ARL15: variants seen among roughly 807,000 people sequenced by gnomAD.
The protein encoded by ARL15 is ARF like GTPase 15.
In ARL15, 19 loss-of-function variants were observed where a neutral mutation model predicts 25.2. The ratio of observed to expected loss-of-function variants is 0.75; its 90% CI spans 0.53 to 1.10. The LOEUF (loss-of-function observed/expected upper bound fraction) is 1.10, where lower values mean the gene tolerates loss of function less well. Ranked by LOEUF, ARL15 falls within the 50% of genes least tolerant of loss-of-function variation. The pLI is 0.00. For missense variants in ARL15, 220 were observed against 246.0 expected (o/e 0.89, Z 0.71); for synonymous variants, 94 against 86.8 (o/e 1.08, Z -0.46).
intron 4 of ARL15, among the ~76,000 whole-genome samples, chr5:54,084,779 G>A (rs1751910706): frequency 6.6e-6 from 1 of 151,160 alleles, no homozygotes; most frequent in African/African-American, 2.5e-5. Context: ...CAAGGGTGTG[G>A]CACCATGTTC....
At chr5:54,307,995 A>C (rs1173045138) in intron 1 of ARL15, 2 of 152,252 alleles carry the variant, frequency 1.3e-5, no homozygotes, top group Admixed American at 6.5e-5. Context: ...ATAAAATAAG[A>C]TACCAGATGC....
chr5:53,911,761 A>C (rs1348215458), intron 4 of ARL15, among the ~76,000 whole-genome samples: 1 of 152,080 alleles, frequency 6.6e-6, no homozygotes, highest in Non-Finnish European at 1.5e-5. Context: ...CTTGGCTCCC[A>C]CATATGAGTG....
At chr5:54,112,167 A>C (rs781778298) in intron 4 of ARL15, among the ~76,000 whole-genome samples, 4 of 152,122 alleles carry the variant, frequency 2.6e-5, no homozygotes, top group Non-Finnish European at 1.5e-5. Flanking sequence ...AACTCTATTT[A>C]TATGGTTCTT....
intron 1 of ARL15, among the ~76,000 whole-genome samples, chr5:54,180,908 A>G (rs1755036949): frequency 6.6e-6 from 1 of 152,218 alleles, no homozygotes; most frequent in Non-Finnish European, 1.5e-5. Context: ...AGGGGCAGAC[A>G]TCTGAGACTT....
At chr5:54,008,404 A>G (rs1011364173) in intron 4 of ARL15, among the ~76,000 whole-genome samples, 1 of 152,372 alleles carries the variant, frequency 6.6e-6, no homozygotes, top group Non-Finnish European at 1.5e-5. Flanking sequence ...CTTTGTACCC[A>G]AAGCACTGGA....
At chr5:54,014,490 C>G (rs1579700031) in intron 4 of ARL15, among the ~76,000 whole-genome samples, 1 of 151,036 alleles carries the variant, frequency 6.6e-6, no homozygotes, top group South Asian at 2.1e-4. Context: ...GTCCCCCATC[C>G]CATAACCTGT....
At chr5:53,957,095 G>C (rs2112136085) in intron 4 of ARL15, among the ~76,000 whole-genome samples, 1 of 152,176 alleles carries the variant, frequency 6.6e-6, no homozygotes, top group East Asian at 1.9e-4. Flanking sequence ...ATACAGTCAA[G>C]AAGCTCGGTG....
chr5:54,304,726 G>A (rs951320085), intron 1 of ARL15, among the ~76,000 whole-genome samples: 2 of 152,120 alleles, frequency 1.3e-5, no homozygotes, highest in Admixed American at 6.5e-5. Flanking sequence ...TAATATGACT[G>A]CCTAATCCAC....
intron 1 of ARL15, among the ~76,000 whole-genome samples, chr5:54,240,048 A>C (rs1442155684): frequency 6.6e-6 from 1 of 152,044 alleles, no homozygotes; most frequent in African/African-American, 2.4e-5. Flanking sequence ...TAACACGGTG[A>C]AACCCCATCT....
intron 4 of ARL15, among the ~76,000 whole-genome samples, chr5:53,957,603 G>T (rs1447558619): frequency 1.3e-5 from 2 of 151,394 alleles, no homozygotes; most frequent in Admixed American, 6.6e-5. Context: ...TGGGTGAATT[G>T]CTTGAGCCCA....
chr5:54,092,841 T>C (rs1579791291), intron 4 of ARL15, among the ~76,000 whole-genome samples: 2 of 152,316 alleles, frequency 1.3e-5, no homozygotes, highest in African/African-American at 4.8e-5. Flanking sequence ...TTTTCAAACT[T>C]AGATGTATTT....
intron 3 of ARL15, among the ~76,000 whole-genome samples, chr5:54,118,977 C>T (rs1752992165): frequency 6.6e-6 from 1 of 152,190 alleles, no homozygotes; most frequent in Non-Finnish European, 1.5e-5. Flanking sequence ...TGACTCCAAA[C>T]ACAATTTTAC....
At chr5:53,958,742 G>C (rs1747257860) in intron 4 of ARL15, among the ~76,000 whole-genome samples, 1 of 152,102 alleles carries the variant, frequency 6.6e-6, no homozygotes, top group Non-Finnish European at 1.5e-5. Context: ...TATGCACATA[G>C]TGACCAAAAA....
At chr5:54,104,284 T>C (rs181941833) in intron 4 of ARL15, among the ~76,000 whole-genome samples, 85 of 152,284 alleles carry the variant, frequency 5.6e-4, no homozygotes, top group African/African-American at 2.0e-3. Context: ...TCTCTTGAGG[T>C]CTTTTATTAC....
rs534862141 is a variant in ARL15, at chr5:54,120,456, A to G, written c.254-7046T>C. On this transcript the variant is annotated intron_variant, in intron 3 of 4. Coordinates refer to ENST00000504924, the MANE Select transcript of ARL15 (RefSeq NM_019087.3). The stretch of plus-strand genomic sequence containing the variant: ...CCTATGTTCCTTGGGATACTTTTTG[A>G]TTCTATCCTATTTATGAACCTTTAT... 2.6e-5 allele frequency among the ~76,000 whole-genome samples: 4 copies of G among 152,314 alleles called. No individual in the cohort carries two copies. In the South Asian group the frequency reaches 8.3e-4, roughly 32 times the overall value.
intron 4 of ARL15, among the ~76,000 whole-genome samples, chr5:54,082,107 A>AGGGAGGGAG (rs1554039046): frequency 7.4e-6 from 1 of 135,576 alleles, no homozygotes; most frequent in Non-Finnish European, 1.5e-5. Context: ...AAAGAAGGAA[A>AGGGAGGGAG]GGAGGGAGGG....
At chr5:54,192,524 G>T (rs1459260687) in intron 1 of ARL15, among the ~76,000 whole-genome samples, 1 of 151,830 alleles carries the variant, frequency 6.6e-6, no homozygotes, top group East Asian at 1.9e-4. Context: ...CATTTTTCTT[G>T]AATGGAAGGA....
Position 53,991,765 on chromosome 5 carries a change from T to TAGCGGGAG in ARL15, c.463-105053_463-105052insCTCCCGCT, listed in dbSNP as rs1748508975. On this transcript the variant is annotated intron_variant, in intron 4 of 4. Transcript: ENST00000504924. ...TTTCTTGATTCATGAATCTCCCACGTAGTGGGAGAGTGATTAATCTCCCAC... is the reference window on the plus strand; with the variant it reads ...TTTCTTGATTCATGAATCTCCCACGTAGCGGGAGAGTGGGAGAGTGATTAATCTCCCAC... Among the ~76,000 whole-genome samples, 17 of 152,148 alleles carry TAGCGGGAG rather than the reference T, an allele frequency of 1.1e-4. No individual in the cohort carries two copies. The South Asian group carries it at 3.3e-3, about 30-fold the overall frequency.
chr5:53,918,770 A>G (rs908298035), intron 4 of ARL15, among the ~76,000 whole-genome samples: 1 of 152,158 alleles, frequency 6.6e-6, no homozygotes, highest in African/African-American at 2.4e-5. Flanking sequence ...GAGTCTGAGT[A>G]TCTGGAAGCA....
Sources: gnomAD v4.1 joint callset for allele counts (sites outside exome capture counted in the v4.1 genomes callset) on GRCh38, gnomAD v4.1.1 for gene constraint, MANE v1.5 for transcripts, NCBI Gene and HGNC (gene_info 2026-07-23, HGNC 2026-07-21) for gene names.